The following PAX5 variants were observed in gnomAD, a reference collection of about 807,000 sequenced individuals.
PAX5 encodes paired box 5.
A neutral mutation model predicts 43.7 loss-of-function variants in PAX5; 9 were observed. The ratio of observed to expected loss-of-function variants is 0.21; its 90% confidence interval spans 0.12 to 0.36. The LOEUF (loss-of-function observed/expected upper bound fraction) is 0.36, where lower values mean the gene tolerates loss of function less well. Ranked by LOEUF, PAX5 falls within the 10% of genes least tolerant of loss-of-function variation. The probability of loss-of-function intolerance (pLI) is 1.00; values close to 1 mark genes in which losing one functional copy is unlikely to be tolerated. For missense variants in PAX5, 383 were observed against 532.7 expected, an observed-to-expected ratio of 0.72 and a Z score of 2.77; for synonymous variants, 228 against 214.3, an observed-to-expected ratio of 1.06 and a Z score of -0.56.
chr9:36,884,241 TA>T (rs1305228676), intron 7 of PAX5, among the ~76,000 whole-genome samples: 1 of 152,170 alleles, frequency 6.6e-6, no homozygotes, highest in African/African-American at 2.4e-5. Flanking sequence ...AATATACATG[TA>T]AAAAGTCTAC....
intron 5 of PAX5, among the ~76,000 whole-genome samples, chr9:36,992,615 C>T (rs1415604840): frequency 6.6e-6 from 1 of 152,206 alleles, no homozygotes; most frequent in Non-Finnish European, 1.5e-5. Context: ...ATACATATCC[C>T]AATCGGCTAG....
At position 36,837,733 on chromosome 9, in the gene PAX5, A is replaced by G; in HGVS notation, c.*2827T>C. On this transcript the variant is annotated 3_prime_UTR_variant, in exon 10 of 10. Coordinates refer to ENST00000358127, the MANE Select transcript of PAX5 (RefSeq NM_016734.3). ...GTCAAGTGGTTGTCTCACAAATACAAAACCAATCTGAGGACCAGCAAAGCC... is the reference window on the plus strand; with the variant it reads ...GTCAAGTGGTTGTCTCACAAATACAGAACCAATCTGAGGACCAGCAAAGCC... 1 of 233,446 alleles carries G rather than the reference A, an allele frequency of 4.3e-6. No individual in the cohort carries two copies. The highest frequency in any genetic ancestry group is 8.5e-6 in the Non-Finnish European group (1 of 118,124). The allele number at this position is 233,446 out of a possible 1,614,324, so 14.5% of individuals were successfully genotyped here. A position where few individuals can be genotyped will look rare whatever the true frequency, so the allele number is the denominator to read the frequency against.
intron 3 of PAX5, among the ~76,000 whole-genome samples, chr9:37,012,077 A>G (rs1838978954): frequency 6.6e-6 from 1 of 152,150 alleles, no homozygotes; most frequent in South Asian, 2.1e-4. Context: ...CACTGAAGAG[A>G]GCAGGAAGGA....
rs1003849684 is a variant in PAX5, at chr9:36,840,295, G to A, written c.*265C>T. 1 of 578,060 alleles carries A rather than the reference G, an allele frequency of 1.7e-6. No individual in the cohort carries two copies. 35.8% of individuals were successfully genotyped at this position (578,060 alleles called of 1,614,324 possible). A position where few individuals can be genotyped will look rare whatever the true frequency, so the allele number is the denominator to read the frequency against. On this transcript the variant is annotated 3_prime_UTR_variant, in exon 10 of 10. Transcript: ENST00000358127. ...GGGCTGGGGCTGCGGTTATTTGCAG[G>A]ACAGTCTATTGGTTTGCAGAGACCC... is the stretch of plus-strand genomic sequence containing the variant.
At chr9:36,860,566 A>G (rs893835276) in intron 8 of PAX5, among the ~76,000 whole-genome samples, 1 of 152,204 alleles carries the variant, frequency 6.6e-6, no homozygotes, top group Non-Finnish European at 1.5e-5. Context: ...CCTCAACTCT[A>G]TGAAGCAGAA....
At chr9:36,902,986 C>T (rs557730375) in intron 7 of PAX5, among the ~76,000 whole-genome samples, 243 of 152,340 alleles carry the variant, frequency 1.6e-3, no homozygotes, top group Non-Finnish European at 2.8e-3. Context: ...TGGATCACAC[C>T]TGCTGGCCTG....
chr9:36,936,346 G>A (rs1032018699), intron 6 of PAX5, among the ~76,000 whole-genome samples: 1 of 152,200 alleles, frequency 6.6e-6, no homozygotes, highest in African/African-American at 2.4e-5. Flanking sequence ...GCTGGGTCAC[G>A]AGCAGCTCCA....
chr9:36,948,438 T>A (rs1832732215), intron 6 of PAX5, among the ~76,000 whole-genome samples: 1 of 152,184 alleles, frequency 6.6e-6, no homozygotes, highest in Non-Finnish European at 1.5e-5. Flanking sequence ...ACCGGAGAAC[T>A]CGTCCTCTGT....
In PAX5 at chr9:37,022,175, A is replaced by C. The variant is rs72735679; in HGVS notation, c.47-1374T>G. ...CCAGGCTCAGGCTTATTTCAAGGAA[A>C]AACACAATTTTATAGATAACTGAAG... On this transcript the variant is annotated intron_variant, in intron 1 of 9. Coordinates refer to ENST00000358127, the MANE Select transcript of PAX5 (RefSeq NM_016734.3). Among the ~76,000 whole-genome samples the C allele has an allele frequency of 6.3e-3, 962 of 152,368 alleles. 6 individuals carry two copies. The highest frequency in any genetic ancestry group is 0.011 in the Non-Finnish European group (750 of 68,034).
At chr9:37,002,548 G>C in intron 5 of PAX5, 100 bp downstream of exon 5, 2 of 1,297,704 alleles carry the variant, frequency 1.5e-6, no homozygotes, top group East Asian at 2.4e-5. Context: ...CTGCAGGTAA[G>C]GGGGGTGTTC....
intron 7 of PAX5, among the ~76,000 whole-genome samples, chr9:36,918,645 A>C (rs1829899569): frequency 6.6e-6 from 1 of 152,192 alleles, no homozygotes; most frequent in Admixed American, 6.5e-5. Context: ...TGGGTGACAC[A>C]GTGAGACCCT....
intron 8 of PAX5, among the ~76,000 whole-genome samples, chr9:36,872,470 C>T (rs1825576800): frequency 1.3e-5 from 2 of 152,096 alleles, no homozygotes; most frequent in Non-Finnish European, 2.9e-5. Context: ...GGCCCTGCCT[C>T]CTGCTTTAAG....
intron 7 of PAX5, among the ~76,000 whole-genome samples, chr9:36,899,895 T>C (rs1828216463): frequency 6.6e-6 from 1 of 152,310 alleles, no homozygotes; most frequent in Middle Eastern, 3.4e-3. Context: ...CTTCAGGTGG[T>C]TTCTGGCCAT....
intron 8 of PAX5, among the ~76,000 whole-genome samples, chr9:36,877,998 T>G (rs1826073487): frequency 6.6e-6 from 1 of 152,098 alleles, no homozygotes; most frequent in South Asian, 2.1e-4. Flanking sequence ...ACTCCTGCCT[T>G]GGAGCAATGC....
intron 1 of PAX5, chr9:37,026,690 G>C: frequency 3.8e-6 from 5 of 1,317,184 alleles, no homozygotes; most frequent in Non-Finnish European, 4.9e-6. Context: ...GCTGGGCTCA[G>C]AAAACACTGC....
intron 8 of PAX5, among the ~76,000 whole-genome samples, chr9:36,867,413 T>C (rs1825004150): frequency 6.6e-6 from 1 of 152,240 alleles, no homozygotes; most frequent in South Asian, 2.1e-4. Flanking sequence ...CCTTGTCATC[T>C]AGACTGAACC....
intron 5 of PAX5, among the ~76,000 whole-genome samples, chr9:36,973,140 G>GAAAGA (rs1564026835): frequency 5.5e-4 from 38 of 69,602 alleles, no homozygotes; most frequent in African/African-American, 1.2e-3. Context: ...GAAAGAAAAG[G>GAAAGA]AAAGGAAAGG....
intron 7 of PAX5, among the ~76,000 whole-genome samples, chr9:36,905,248 G>A (rs1828719341): frequency 6.6e-6 from 1 of 152,238 alleles, no homozygotes; most frequent in African/African-American, 2.4e-5. Context: ...AGTCAAGGTG[G>A]CCGGCTCTCC....
chr9:37,017,235 G>A (rs552679755), intron 2 of PAX5, among the ~76,000 whole-genome samples: 2 of 152,210 alleles, frequency 1.3e-5, no homozygotes, highest in Admixed American at 6.5e-5. Flanking sequence ...GCTCTTCCTC[G>A]AATTATCTTG....
Sources: allele counts gnomAD v4.1 joint callset (sites outside exome capture counted in the v4.1 genomes callset), GRCh38; gene constraint gnomAD v4.1.1; transcripts MANE v1.5; gene names NCBI Gene and HGNC (gene_info 2026-07-23, HGNC 2026-07-21).